Variants in ABCB5 observed in about 807,000 individuals in gnomAD.
The protein encoded by ABCB5 is ATP binding cassette subfamily B member 5.
In ABCB5, 155 loss-of-function variants were observed where a neutral mutation model predicts 144.2. The ratio of observed to expected loss-of-function variants is 1.08; its 90% CI spans 0.94 to 1.23. ABCB5 has a LOEUF of 1.23. Ranked by LOEUF, ABCB5 falls within the 50% of genes most tolerant of loss-of-function variation. The pLI, the probability that ABCB5 is intolerant of heterozygous loss-of-function variation, is 0.00. For missense variants in ABCB5, 1,830 were observed against 1,520.8 expected (o/e 1.20, Z -3.38); for synonymous variants, 610 against 528.6 (o/e 1.15, Z -2.11).
At chr7:20,729,691 G>T (rs1368405852) in intron 23 of ABCB5, among the ~76,000 whole-genome samples, 3 of 152,104 alleles carry the variant, frequency 2.0e-5, no homozygotes, top group Non-Finnish European at 2.9e-5. Flanking sequence ...TTTAGAACTG[G>T]AGAAATCCAT....
intron 26 of ABCB5, among the ~76,000 whole-genome samples, chr7:20,746,240 G>A (rs1376725611): frequency 1.3e-5 from 2 of 152,144 alleles, no homozygotes; most frequent in African/African-American, 4.8e-5. Context: ...TGGGATTACA[G>A]GCATGTGCCA....
intron 20 of ABCB5, among the ~76,000 whole-genome samples, chr7:20,714,874 T>G (rs1376889270): frequency 6.6e-6 from 1 of 152,146 alleles, no homozygotes; most frequent in Non-Finnish European, 1.5e-5. Context: ...AGAAATTAGG[T>G]TGGTGTGTAT....
At chr7:20,643,996 G>A (rs777980441) in intron 7 of ABCB5, among the ~76,000 whole-genome samples, 1 of 152,088 alleles carries the variant, frequency 6.6e-6, no homozygotes. Flanking sequence ...AACATGGTAC[G>A]ATTCATTTCA....
chr7:20,630,405 C>A (rs895763400), intron 4 of ABCB5, among the ~76,000 whole-genome samples: 9 of 151,478 alleles, frequency 5.9e-5, no homozygotes, highest in African/African-American at 9.7e-5. Flanking sequence ...AAAAAAAAAT[C>A]TTTAAAGCAA....
At chr7:20,747,350 A>G (rs1320334954) in intron 26 of ABCB5, among the ~76,000 whole-genome samples, 1 of 152,172 alleles carries the variant, frequency 6.6e-6, no homozygotes, top group East Asian at 1.9e-4. Flanking sequence ...GGTTCACTGC[A>G]GCCTCGACCT....
At chr7:20,685,889 T>A in intron 16 of ABCB5, 53 bp downstream of exon 16, 1 of 1,520,694 alleles carries the variant, frequency 6.6e-7, no homozygotes, top group South Asian at 1.3e-5. Flanking sequence ...AATTTTGATT[T>A]AATCCTTACA....
chr7:20,642,533 T>C (rs1300000598), intron 5 of ABCB5, among the ~76,000 whole-genome samples: 11 of 152,320 alleles, frequency 7.2e-5, no homozygotes, highest in Non-Finnish European at 1.5e-4. Context: ...CCTATTTTTT[T>C]TTCTCCTTGT....
At chr7:20,632,495 G>A (rs955771144) in intron 5 of ABCB5, among the ~76,000 whole-genome samples, 1 of 152,004 alleles carries the variant, frequency 6.6e-6, no homozygotes, top group Non-Finnish European at 1.5e-5. Context: ...ATTTGACCCA[G>A]CCATCCCATT....
chr7:20,747,214 G>C (rs1045225236), intron 26 of ABCB5, among the ~76,000 whole-genome samples: 1 of 152,152 alleles, frequency 6.6e-6, no homozygotes, highest in African/African-American at 2.4e-5. Context: ...GCATAATCTC[G>C]ATAGTTTGTT....
intron 14 of ABCB5, among the ~76,000 whole-genome samples, chr7:20,662,303 T>C (rs1223418119): frequency 1.3e-5 from 2 of 152,238 alleles, no homozygotes; most frequent in Non-Finnish European, 2.9e-5. Flanking sequence ...GCTTTCTCCC[T>C]ATGATGCGCC....
Position 20,650,077 on chromosome 7 carries a change from G to A in ABCB5, c.1262G>A (p.Gly421Asp), listed in dbSNP as rs898530749. The change falls in exon 12 of 28, where the codon GGT (glycine) becomes GAT (aspartate). Residue 421 changes from glycine (G) to aspartate (D), a missense_variant. By Grantham distance (94) the Gly-to-Asp change is moderately conservative (BLOSUM62 -1). Coordinates refer to ENST00000404938, the MANE Select transcript of ABCB5 (RefSeq NM_001163941.2). ...TCTGGAGAGACAGTCGCCTTGGTCG[G>A]TCTCAATGGCAGTGGGAAGAGTACG... is the stretch of plus-strand genomic sequence containing the variant. ...IKSGETVALV[G>D]LNGSGKSTVV... is the part of the protein sequence containing the mutation. The A allele has an allele frequency of 1.9e-6, 3 of 1,613,646 alleles. No homozygotes were observed. The highest frequency in any genetic ancestry group is 2.2e-5 in the East Asian group (1 of 44,884).
At chr7:20,742,773 T>C in intron 24 of ABCB5, 104 bp from the exon 25 acceptor site, 1 of 1,128,104 alleles carries the variant, frequency 8.9e-7, no homozygotes, top group Non-Finnish European at 1.3e-6. Flanking sequence ...TTAAAAGGGC[T>C]CTGGAAACAT....
At chr7:20,666,622 C>A in intron 14 of ABCB5, 1 of 1,129,152 alleles carries the variant, frequency 8.9e-7, no homozygotes, top group Non-Finnish European at 1.2e-6. Context: ...AAAATGTCAG[C>A]AAAGTGTCAA....
intron 5 of ABCB5, among the ~76,000 whole-genome samples, chr7:20,640,581 A>G (rs1392648807): frequency 6.6e-6 from 1 of 152,220 alleles, no homozygotes; most frequent in Non-Finnish European, 1.5e-5. Context: ...CACAAAAATG[A>G]GAAAAACTTG....
chr7:20,707,549 G>A (rs2128045155), intron 20 of ABCB5, among the ~76,000 whole-genome samples: 1 of 152,158 alleles, frequency 6.6e-6, no homozygotes, highest in Middle Eastern at 3.4e-3. Context: ...TGTACATTTT[G>A]GCGATCTCTT....
chr7:20,631,902 G>T (rs548117022), intron 4 of ABCB5, among the ~76,000 whole-genome samples, 157 bp from the exon 5 acceptor site: 2 of 152,110 alleles, frequency 1.3e-5, no homozygotes, highest in African/African-American at 2.4e-5. Flanking sequence ...TCCAGTTCTA[G>T]GTTAAAGAAT....
chr7:20,701,008 A>G (rs1786601136), intron 19 of ABCB5, among the ~76,000 whole-genome samples: 1 of 152,224 alleles, frequency 6.6e-6, no homozygotes, highest in Non-Finnish European at 1.5e-5. Flanking sequence ...TTAGGGAGCT[A>G]CAAGATACAA....
At chr7:20,719,260 G>C (rs1781783857) in intron 20 of ABCB5, among the ~76,000 whole-genome samples, 1 of 151,884 alleles carries the variant, frequency 6.6e-6, no homozygotes, top group East Asian at 1.9e-4. Context: ...CAGCACTAAA[G>C]AACTTTATGT....
chr7:20,741,272 G>T (rs554321323), intron 24 of ABCB5, among the ~76,000 whole-genome samples: 8 of 151,820 alleles, frequency 5.3e-5, no homozygotes, highest in African/African-American at 9.7e-5. Flanking sequence ...AATTTTAAAT[G>T]TATTAAATTT....
Sources: gnomAD v4.1 joint callset for allele counts (sites outside exome capture counted in the v4.1 genomes callset) on GRCh38, gnomAD v4.1.1 for gene constraint, MANE v1.5 for transcripts, NCBI Gene and HGNC (gene_info 2026-07-23, HGNC 2026-07-21) for gene names.